The following CCDC50 variants were observed in gnomAD, a reference collection of about 807,000 sequenced individuals.
The protein encoded by CCDC50 is coiled-coil domain-containing protein 50.
Under a neutral mutation model 70.2 loss-of-function variants are expected in CCDC50, and 54 were observed. That is an observed-to-expected ratio of 0.77 (90% CI 0.62 to 0.96). The LOEUF is 0.96. Among genes scored for constraint, CCDC50 ranks in the 50% least tolerant of loss-of-function variants. CCDC50 has a pLI of 0.00. For missense variants in CCDC50, 558 were observed against 578.7 expected (o/e 0.96, Z 0.37); for synonymous variants, 216 against 198.8 (o/e 1.09, Z -0.73).
intron 1 of CCDC50, among the ~76,000 whole-genome samples, chr3:191,341,876 C>T (rs1374603706): frequency 5.9e-5 from 9 of 152,142 alleles, no homozygotes; most frequent in African/African-American, 1.7e-4. Flanking sequence ...GTCTGCTGTG[C>T]GGTCACCTTA....
At chr3:191,356,514 A>G (rs1712287398) in intron 1 of CCDC50, among the ~76,000 whole-genome samples, 1 of 152,184 alleles carries the variant, frequency 6.6e-6, no homozygotes, top group Non-Finnish European at 1.5e-5. Flanking sequence ...CTGGGGATTG[A>G]CCCACTGAAG....
intron 1 of CCDC50, 56 bp downstream of exon 1, chr3:191,329,779 C>T (rs1327570907): frequency 3.8e-5 from 60 of 1,569,304 alleles, no homozygotes; most frequent in Non-Finnish European, 2.2e-5. Context: ...GCCCGAGGTT[C>T]TCTCAGGTCA....
At chr3:191,336,217 T>C (rs1711520389) in intron 1 of CCDC50, among the ~76,000 whole-genome samples, 1 of 151,962 alleles carries the variant, frequency 6.6e-6, no homozygotes, top group South Asian at 2.1e-4. Flanking sequence ...ATACGGTGAG[T>C]GCATGTTAAA....
In CCDC50 at chr3:191,351,333, G is replaced by C. The variant is rs191222638; in HGVS notation, c.50-5755G>C. Among the ~76,000 whole-genome samples, 15 of 140,850 alleles carry C rather than the reference G, an allele frequency of 1.1e-4. 3 individuals are homozygous for C. The highest frequency in any genetic ancestry group is 3.8e-4 in the African/African-American group (15 of 38,984). The allele number at this position is 140,850 out of a possible 152,430, so 92.4% of individuals were successfully genotyped here. The stretch of plus-strand genomic sequence containing the variant: ...TAGGCCTCCAAATTTGATGTCATTT[G>C]GGCTGGAATTTTAAGAGACATTCAA... On this transcript the variant is annotated intron_variant, in intron 1 of 11. Transcript: ENST00000392455.
chr3:191,354,374 G>T (rs1712205703), intron 1 of CCDC50, among the ~76,000 whole-genome samples: 1 of 151,848 alleles, frequency 6.6e-6, no homozygotes, highest in Non-Finnish European at 1.5e-5. Flanking sequence ...TTAACCATAG[G>T]TATATCTATC....
At chr3:191,332,400 G>T (rs1718021059) in intron 1 of CCDC50, among the ~76,000 whole-genome samples, 1 of 152,162 alleles carries the variant, frequency 6.6e-6, no homozygotes, top group African/African-American at 2.4e-5. Flanking sequence ...AAAGAATCAA[G>T]TCAACTAAGT....
chr3:191,394,837 G>A lies in CCDC50; in HGVS notation c.*3077G>A, dbSNP rs1009060334. 2.6e-5 allele frequency: 4 copies of A among 152,146 alleles called. No homozygotes were observed. The highest frequency in any genetic ancestry group is 4.4e-5 in the Non-Finnish European group (3 of 68,002). The allele number at this position is 152,146 out of a possible 1,614,324, so 9.4% of individuals were successfully genotyped here. A position where few individuals can be genotyped will look rare whatever the true frequency, so the allele number is the denominator to read the frequency against. On this transcript the variant is annotated 3_prime_UTR_variant, in exon 12 of 12. Coordinates refer to ENST00000392455, the MANE Select transcript of CCDC50 (RefSeq NM_178335.3). The stretch of plus-strand genomic sequence containing the variant: ...GACGTAAGTATTTTATTAGACATAA[G>A]TATTTTATTTTGGGACTAGACAGTT...
intron 5 of CCDC50, among the ~76,000 whole-genome samples, chr3:191,371,988 A>T (rs1712930049): frequency 6.6e-6 from 1 of 152,182 alleles, no homozygotes; most frequent in Non-Finnish European, 1.5e-5. Context: ...TAAACTGTTC[A>T]GTCTGTAAAA....
At chr3:191,387,643 T>A (rs913879465) in intron 10 of CCDC50, among the ~76,000 whole-genome samples, 6 of 151,920 alleles carry the variant, frequency 3.9e-5, no homozygotes, top group Admixed American at 3.9e-4. Flanking sequence ...CTTAAGAGCA[T>A]TCTAGAACAG....
At chr3:191,352,197 T>A (rs2108644753) in intron 1 of CCDC50, among the ~76,000 whole-genome samples, 1 of 142,392 alleles carries the variant, frequency 7.0e-6, no homozygotes, top group Admixed American at 7.2e-5. Context: ...ATATTTCATC[T>A]CAGTGATGGC....
intron 1 of CCDC50, among the ~76,000 whole-genome samples, chr3:191,336,845 A>C (rs954568731): frequency 5.3e-5 from 8 of 152,238 alleles, no homozygotes; most frequent in Non-Finnish European, 1.0e-4. Context: ...TTATCTGATA[A>C]AGAATGAGCA....
At chr3:191,337,035 T>C (rs1466086896) in intron 1 of CCDC50, among the ~76,000 whole-genome samples, 1 of 152,194 alleles carries the variant, frequency 6.6e-6, no homozygotes, top group Non-Finnish European at 1.5e-5. Context: ...AAAGTTTTAT[T>C]GGAACATAGC....
Position 191,391,997 on chromosome 3 carries a change from ACTT to A in CCDC50, c.*241_*243del. On this transcript the variant is annotated 3_prime_UTR_variant, in exon 12 of 12. Transcript: ENST00000392455. ...TATTGGCCACCTCTATGCTGCATAT[ACTT>A]CTTGGGATATAGTATCTAAGACCTT... 1.9e-6 allele frequency: 1 copy of A among 529,450 alleles called. No homozygotes were observed. 32.8% of individuals were successfully genotyped at this position (529,450 alleles called of 1,614,324 possible).
intron 1 of CCDC50, among the ~76,000 whole-genome samples, chr3:191,336,402 T>C (rs2108630637): frequency 6.6e-6 from 1 of 152,340 alleles, no homozygotes; most frequent in African/African-American, 2.4e-5. Context: ...TGGATTTAAT[T>C]TGTATTTCCC....
At chr3:191,331,669 GTATTATAC>G (rs1295682160) in intron 1 of CCDC50, among the ~76,000 whole-genome samples, 1 of 152,184 alleles carries the variant, frequency 6.6e-6, no homozygotes. Context: ...AGGAAGTGAT[GTATTATAC>G]TAGGAATGTC....
At position 191,394,866 on chromosome 3, in the gene CCDC50, T is replaced by C. The variant is rs1576980429; in HGVS notation, c.*3106T>C. The stretch of plus-strand genomic sequence containing the variant: ...TTTATTTTGGGACTAGACAGTTGCT[T>C]TACATGTATTTAAGGGAACATTGTG... On this transcript the variant is annotated 3_prime_UTR_variant, in exon 12 of 12. Transcript: ENST00000392455. The C allele has an allele frequency of 6.6e-6, 1 of 152,282 alleles. No homozygotes were observed. Among genetic ancestry groups the C allele is most frequent in the East Asian group, 1.9e-4 (1 of 5,194 alleles). 9.4% of individuals were successfully genotyped at this position (152,282 alleles called of 1,614,324 possible). A position where few individuals can be genotyped will look rare whatever the true frequency, so the allele number is the denominator to read the frequency against.
intron 4 of CCDC50, among the ~76,000 whole-genome samples, chr3:191,366,667 A>G (rs1007708401): frequency 6.7e-6 from 1 of 148,528 alleles, no homozygotes; most frequent in East Asian, 1.9e-4. Context: ...TTACTGGAAG[A>G]TAACAGGTTT....
At chr3:191,374,383 A>G (rs1043656781) in intron 5 of CCDC50, among the ~76,000 whole-genome samples, 3 of 152,170 alleles carry the variant, frequency 2.0e-5, no homozygotes, top group African/African-American at 7.2e-5. Context: ...TCCTTTGCCA[A>G]GTTTCAACTA....
rs751499897 is a variant in CCDC50, at chr3:191,391,836, T to TA, written c.*77dup. 4 of 1,351,886 alleles carry TA rather than the reference T, an allele frequency of 3.0e-6. No individual in the cohort carries two copies. In the South Asian group the frequency reaches 3.7e-5, roughly 12 times the overall value. The allele number at this position is 1,351,886 out of a possible 1,614,324, so 83.7% of individuals were successfully genotyped here. On this transcript the variant is annotated 3_prime_UTR_variant, in exon 12 of 12. Coordinates refer to ENST00000392455, the MANE Select transcript of CCDC50 (RefSeq NM_178335.3). ...GGTGATACAGAATGAATTCTACACT[T>TA]ACTTTTTTTCTCCTGTGTTTGCATT... is the stretch of plus-strand genomic sequence containing the variant.
Sources: allele counts gnomAD v4.1 joint callset (sites outside exome capture counted in the v4.1 genomes callset), GRCh38; gene constraint gnomAD v4.1.1; transcripts MANE v1.5; gene names NCBI Gene and HGNC (gene_info 2026-07-23, HGNC 2026-07-21).